Variants in MITF observed in about 807,000 individuals in gnomAD.
The protein encoded by MITF is microphthalmia-associated transcription factor.
Under a neutral mutation model 60.5 loss-of-function variants are expected in MITF, and 17 were observed. That is an observed-to-expected ratio of 0.28 (90% CI 0.19 to 0.42). MITF has a LOEUF of 0.42. Ranked by LOEUF, MITF falls within the 10% of genes least tolerant of loss-of-function variation. The pLI, the probability that MITF is intolerant of heterozygous loss-of-function variation, is 1.00. For synonymous variants in MITF, 260 were observed against 248.5 expected (o/e 1.05, Z -0.43); for missense variants, 622 against 683.5 (o/e 0.91, Z 1.00).
chr3:69,798,997 A>G (rs1305356890), intron 1 of MITF, among the ~76,000 whole-genome samples: 2 of 152,032 alleles, frequency 1.3e-5, no homozygotes, highest in Non-Finnish European at 2.9e-5. Flanking sequence ...CTCATCCTAG[A>G]CTCTGATGCC....
At chr3:69,817,616 G>T (rs889867848) in intron 1 of MITF, among the ~76,000 whole-genome samples, 6 of 151,968 alleles carry the variant, frequency 3.9e-5, no homozygotes, top group African/African-American at 1.5e-4. Context: ...GAGCAGGCAA[G>T]AATTCAAAAT....
At chr3:69,927,797 T>C (rs928036284) in intron 2 of MITF, among the ~76,000 whole-genome samples, 1 of 152,206 alleles carries the variant, frequency 6.6e-6, no homozygotes, top group African/African-American at 2.4e-5. Context: ...CAGCAGGCAG[T>C]TCACACATCA....
chr3:69,922,761 A>G, intron 2 of MITF, among the ~76,000 whole-genome samples: 1 of 152,212 alleles, frequency 6.6e-6, no homozygotes, highest in East Asian at 1.9e-4. Flanking sequence ...CCTTTGGTTA[A>G]CAAAAATTGC....
chr3:69,893,005 TC>T (rs2107323293), intron 2 of MITF, among the ~76,000 whole-genome samples: 1 of 152,318 alleles, frequency 6.6e-6, no homozygotes, highest in South Asian at 2.1e-4. Context: ...ATGGGAAAGA[TC>T]AACTCTTTCT....
Position 69,941,400 on chromosome 3 carries a change from CTTTTA to C in MITF, c.762+76_762+80del, listed in dbSNP as rs1576012731. Reference sequence around the variant, plus strand: ...CAGGGTTCTTTTCTTTTTTCTTAAACTTTTATTTTATCTTTGTAACTGGTTCACTG... The same window carrying C: ...CAGGGTTCTTTTCTTTTTTCTTAAACTTTTATCTTTGTAACTGGTTCACTG... On this transcript the variant is annotated intron_variant, in intron 5 of 9. Transcript: ENST00000352241. 7.3e-6 allele frequency: 7 copies of C among 955,480 alleles called. No homozygotes were observed. The East Asian group carries it at 1.5e-4, about 21-fold the overall frequency. The allele number at this position is 955,480 out of a possible 1,614,324, so 59.2% of individuals were successfully genotyped here. A position where few individuals can be genotyped will look rare whatever the true frequency, so the allele number is the denominator to read the frequency against.
chr3:69,860,395 G>T (rs377729750), intron 1 of MITF, among the ~76,000 whole-genome samples: 108 of 152,048 alleles, frequency 7.1e-4, no homozygotes, highest in African/African-American at 2.3e-3. Context: ...TCACGAGGTC[G>T]GGAGATCGAG....
chr3:69,782,715 C>T (rs1489829570), intron 1 of MITF, among the ~76,000 whole-genome samples: 1 of 152,156 alleles, frequency 6.6e-6, no homozygotes, highest in African/African-American at 2.4e-5. Flanking sequence ...TATTCTCTAC[C>T]TATACTTATT....
intron 2 of MITF, among the ~76,000 whole-genome samples, chr3:69,897,733 A>G (rs1376559505): frequency 3.9e-5 from 6 of 152,208 alleles, no homozygotes; most frequent in Admixed American, 2.0e-4. Context: ...AGTTGGGATC[A>G]TATCTCTTTT....
intron 1 of MITF, among the ~76,000 whole-genome samples, chr3:69,755,868 C>T (rs957328407): frequency 5.3e-5 from 8 of 152,188 alleles, no homozygotes. Context: ...CTTACTGCTG[C>T]TCCTCCTCCT....
chr3:69,954,915 A>C (rs1260284119), intron 7 of MITF, among the ~76,000 whole-genome samples: 2 of 152,200 alleles, frequency 1.3e-5, no homozygotes, highest in African/African-American at 4.8e-5. Context: ...AAAGAAGCAT[A>C]TATTCTGGTA....
At chr3:69,851,046 C>A (rs2063815687) in intron 1 of MITF, among the ~76,000 whole-genome samples, 1 of 152,124 alleles carries the variant, frequency 6.6e-6, no homozygotes, top group East Asian at 1.9e-4. Flanking sequence ...AATAGTTACA[C>A]ATAGATCAAG....
At chr3:69,827,947 T>C (rs1372779635) in intron 1 of MITF, among the ~76,000 whole-genome samples, 2 of 152,214 alleles carry the variant, frequency 1.3e-5, no homozygotes, top group Admixed American at 1.3e-4. Context: ...AGTTCTTCCT[T>C]CTGCCAGGTG....
chr3:69,750,614 C>T (rs1461031215), intron 1 of MITF, among the ~76,000 whole-genome samples: 1 of 151,914 alleles, frequency 6.6e-6, no homozygotes, highest in Non-Finnish European at 1.5e-5. Flanking sequence ...GAGTGTGCAT[C>T]AGCATTCCCT....
At chr3:69,951,668 G>T (rs1476449607) in intron 6 of MITF, 144 bp from the exon 7 acceptor site, 8 of 658,504 alleles carry the variant, frequency 1.2e-5, no homozygotes, top group African/African-American at 5.5e-5. Context: ...TTTTTAAAAA[G>T]ATATCATTTT....
chr3:69,930,153 G>T (rs990327732), intron 2 of MITF, among the ~76,000 whole-genome samples: 5 of 152,120 alleles, frequency 3.3e-5, no homozygotes, highest in African/African-American at 9.7e-5. Context: ...AAACGGTGCC[G>T]TCTCGTAGGC....
intron 2 of MITF, among the ~76,000 whole-genome samples, chr3:69,914,051 G>T (rs2065280680): frequency 6.6e-6 from 1 of 151,918 alleles, no homozygotes; most frequent in Admixed American, 6.6e-5. Context: ...CTGCCTCTTT[G>T]CTAGACAGGC....
intron 6 of MITF, among the ~76,000 whole-genome samples, chr3:69,949,722 G>C (rs201296715): frequency 1.3e-5 from 2 of 152,262 alleles, no homozygotes; most frequent in East Asian, 3.9e-4. Context: ...GATATTATTT[G>C]TTCTTGAGGC....
intron 1 of MITF, among the ~76,000 whole-genome samples, chr3:69,819,827 T>G (rs2063239257): frequency 6.6e-6 from 1 of 151,690 alleles, no homozygotes; most frequent in Admixed American, 6.6e-5. Context: ...AAGCTGGGAG[T>G]GATGGTGCAT....
At chr3:69,800,746 A>T (rs2062906758) in intron 1 of MITF, among the ~76,000 whole-genome samples, 1 of 152,152 alleles carries the variant, frequency 6.6e-6, no homozygotes, top group Admixed American at 6.5e-5. Context: ...ATTTAAAAAA[A>T]AATTGGATAT....
Sources: allele counts gnomAD v4.1 joint callset (sites outside exome capture counted in the v4.1 genomes callset), GRCh38; gene constraint gnomAD v4.1.1; transcripts MANE v1.5; gene names NCBI Gene and HGNC (gene_info 2026-07-23, HGNC 2026-07-21).